Variants in C5 observed in about 807,000 individuals in gnomAD.
C5 encodes complement C5, also known as C3 and PZP-like alpha-2-macroglobulin domain-containing protein 4.
C5 carries 140 observed loss-of-function variants against 218.8 expected under a neutral mutation model. The observed-to-expected ratio is 0.64, with a 90% CI of 0.56 to 0.74. C5 has a LOEUF of 0.74. Among genes scored for constraint, C5 ranks in the 30% least tolerant of loss-of-function variants. The probability of loss-of-function intolerance (pLI) is 0.00; values close to 1 mark genes in which losing one functional copy is unlikely to be tolerated. For missense variants in C5, 1,700 were observed against 1,969.6 expected (o/e 0.86, Z 2.59); for synonymous variants, 614 against 682.3 (o/e 0.90, Z 1.56).
At chr9:120,993,461 C>T (rs1050911955) in intron 22 of C5, among the ~76,000 whole-genome samples, 50 of 152,274 alleles carry the variant, frequency 3.3e-4, no homozygotes, top group African/African-American at 1.2e-3. Flanking sequence ...CTCGCTCTGT[C>T]GCCCAGGCTG....
intron 25 of C5, among the ~76,000 whole-genome samples, chr9:120,984,656 T>A (rs1454074842): frequency 6.6e-6 from 1 of 151,368 alleles, no homozygotes; most frequent in East Asian, 1.9e-4. Flanking sequence ...ATTAAATATA[T>A]GAACATACTT....
intron 7 of C5, among the ~76,000 whole-genome samples, chr9:121,027,509 G>A (rs996842447): frequency 6.6e-6 from 1 of 152,250 alleles, no homozygotes; most frequent in Admixed American, 6.5e-5. Flanking sequence ...TAGACCAATG[G>A]AACAGAACAG....
At chr9:121,032,992 C>T (rs1424800436) in intron 5 of C5, among the ~76,000 whole-genome samples, 2 of 151,042 alleles carry the variant, frequency 1.3e-5, no homozygotes, top group Non-Finnish European at 2.9e-5. Context: ...CAGAGTGAGA[C>T]TCTGTTTCAA....
intron 39 of C5, among the ~76,000 whole-genome samples, chr9:120,955,296 T>C (rs187261415): frequency 7.0e-4 from 106 of 152,252 alleles, no homozygotes; most frequent in Middle Eastern, 6.8e-3. Context: ...TTAAATATCA[T>C]AAAATGCATC....
intron 28 of C5, among the ~76,000 whole-genome samples, chr9:120,977,339 T>C (rs1428036488): frequency 1.3e-5 from 2 of 152,138 alleles, no homozygotes; most frequent in African/African-American, 4.8e-5. Flanking sequence ...TTGAGTCCCA[T>C]CCCCAAGATA....
the C5 span, chr9:121,074,855 A>C: frequency 1.3e-5 from 6 of 456,242 alleles, no homozygotes; most frequent in South Asian, 7.7e-5. Flanking sequence ...GCTGGCTGCA[A>C]AAGAGGCGGG....
At chr9:121,017,294 C>G in intron 14 of C5, 68 bp downstream of exon 14, 1 of 1,580,334 alleles carries the variant, frequency 6.3e-7, no homozygotes, top group Non-Finnish European at 8.7e-7. Flanking sequence ...TCCCTTAGTT[C>G]TTCCTCCATA....
chr9:121,011,748 G>C (rs748778581), intron 17 of C5, among the ~76,000 whole-genome samples: 2 of 152,130 alleles, frequency 1.3e-5, no homozygotes, highest in Admixed American at 6.5e-5. Context: ...CAGATAAATG[G>C]ATAAAGAAAA....
At chr9:121,065,661 T>C in the C5 span, among the ~76,000 whole-genome samples, 2 of 152,162 alleles carry the variant, frequency 1.3e-5, no homozygotes, top group African/African-American at 4.8e-5. Flanking sequence ...AATTTTTATT[T>C]TTATTTTGTA....
chr9:121,006,511 T>G (rs1273255831), intron 19 of C5, among the ~76,000 whole-genome samples: 1 of 152,130 alleles, frequency 6.6e-6, no homozygotes, highest in Non-Finnish European at 1.5e-5. Flanking sequence ...TGTTTCTAAC[T>G]CTACACAAGC....
intron 37 of C5, among the ~76,000 whole-genome samples, chr9:120,960,904 C>G (rs2046822365): frequency 2.0e-5 from 3 of 151,932 alleles, no homozygotes; most frequent in African/African-American, 7.3e-5. Context: ...TTTGAAGGAC[C>G]CAAAATGATA....
the C5 span, among the ~76,000 whole-genome samples, chr9:121,072,134 G>A: frequency 1.3e-5 from 2 of 152,130 alleles, no homozygotes; most frequent in African/African-American, 4.8e-5. Flanking sequence ...ACCAGCAGAG[G>A]TCTGTATGAG....
chr9:120,997,873 G>T, intron 20 of C5, 99 bp from the exon 21 acceptor site: 1 of 977,294 alleles, frequency 1.0e-6, no homozygotes, highest in Non-Finnish European at 1.6e-6. Flanking sequence ...CATGATCTCA[G>T]CTCACTGCAA....
intron 18 of C5, among the ~76,000 whole-genome samples, chr9:121,007,274 G>A (rs999450163): frequency 2.0e-5 from 3 of 152,184 alleles, no homozygotes; most frequent in Non-Finnish European, 4.4e-5. Flanking sequence ...TTTGTTGTGA[G>A]TATATTCTAA....
chr9:121,071,262 G>A, the C5 span, among the ~76,000 whole-genome samples: 1 of 152,140 alleles, frequency 6.6e-6, no homozygotes, highest in African/African-American at 2.4e-5. Flanking sequence ...GGAGGTTGCA[G>A]TGAGCCATGA....
At chr9:121,061,594 T>C in the C5 span, among the ~76,000 whole-genome samples, 2 of 152,250 alleles carry the variant, frequency 1.3e-5, no homozygotes, top group African/African-American at 4.8e-5. Context: ...CAATTTGTCA[T>C]GGTGCTTTTT....
chr9:120,963,576 T>C, intron 34 of C5, 60 bp downstream of exon 34: 3 of 1,183,778 alleles, frequency 2.5e-6, no homozygotes, highest in Non-Finnish European at 2.5e-6. Context: ...AAATTGTCTA[T>C]AAAATAATTC....
At chr9:121,059,281 G>T in the C5 span, among the ~76,000 whole-genome samples, 4 of 152,258 alleles carry the variant, frequency 2.6e-5, no homozygotes, top group East Asian at 5.8e-4. The surrounding 1 kb of genome is among the most constrained non-coding windows in gnomAD (Gnocchi z 4.1). Context: ...AAAATCCAGT[G>T]TTAATAATGG....
At chr9:121,002,220 ATAT>A (rs2047169591) in intron 20 of C5, among the ~76,000 whole-genome samples, 1 of 47,276 alleles carries the variant, frequency 2.1e-5, no homozygotes, top group South Asian at 1.3e-3. Flanking sequence ...ATATACGTAT[ATAT>A]ATATATGTAT....
Sources: allele counts gnomAD v4.1 joint callset (sites outside exome capture counted in the v4.1 genomes callset), GRCh38; gene constraint gnomAD v4.1.1; non-coding constraint Gnocchi (gnomAD v3.1); transcripts MANE v1.5; gene names NCBI Gene and HGNC (gene_info 2026-07-23, HGNC 2026-07-21).